The following PPP2R2B variants were observed in gnomAD, a reference collection of about 807,000 sequenced individuals.
The protein encoded by PPP2R2B is serine/threonine-protein phosphatase 2A 55 kDa regulatory subunit B beta isoform.
Under a neutral mutation model 46.0 loss-of-function variants are expected in PPP2R2B, and 5 were observed. The ratio of observed to expected loss-of-function variants is 0.11; its 90% confidence interval spans 0.06 to 0.23. The LOEUF is 0.23. PPP2R2B is among the 10% of genes least tolerant of loss of function. The probability of loss-of-function intolerance (pLI) is 1.00; values close to 1 mark genes in which losing one functional copy is unlikely to be tolerated. For missense variants in PPP2R2B, 367 were observed against 575.0 expected (o/e 0.64, Z 3.70); for synonymous variants, 215 against 206.7 (o/e 1.04, Z -0.34).
rs926695498 is a variant in PPP2R2B, at chr5:147,012,210, G to T, written c.79+43455C>A. Among the ~76,000 whole-genome samples the T allele has an allele frequency of 1.2e-4, 19 of 152,038 alleles. 1 individual carries two copies. The highest frequency in any genetic ancestry group is 4.3e-4 in the African/African-American group (18 of 41,466). ...TCAGCTGTGAATTCATCTGGTCCTG[G>T]ACTCTTTTTGGTTGGTAAGCTATTG... On this transcript the variant is annotated intron_variant, in intron 1 of 8. Transcript: ENST00000336640.
At chr5:146,786,804 T>C (rs904476610) in intron 2 of PPP2R2B, among the ~76,000 whole-genome samples, 9 of 152,182 alleles carry the variant, frequency 5.9e-5, no homozygotes, top group African/African-American at 2.2e-4. Context: ...GATCAATCTT[T>C]AGAGAAAGAT....
Position 147,009,550 on chromosome 5 carries a change from G to T in PPP2R2B, c.79+46115C>A, listed in dbSNP as rs368665194. Among the ~76,000 whole-genome samples the T allele has an allele frequency of 9.2e-5, 14 of 152,216 alleles. No homozygotes were observed. In the South Asian group the frequency reaches 2.9e-3, roughly 32 times the overall value. On this transcript the variant is annotated intron_variant, in intron 1 of 8. Coordinates refer to the PPP2R2B transcript ENST00000336640. ...AGACGAAGGATGAGGTGGAAGGAAA[G>T]ATTAAGTTTGCTGGCAGAGGTATCT...
intron 2 of PPP2R2B, among the ~76,000 whole-genome samples, chr5:146,779,020 A>G (rs1210207767): frequency 6.6e-6 from 1 of 152,242 alleles, no homozygotes; most frequent in African/African-American, 2.4e-5. Context: ...TGGTTGACAC[A>G]GCAAGCAGTT....
intron 2 of PPP2R2B, among the ~76,000 whole-genome samples, chr5:146,745,147 G>T (rs1041803756): frequency 1.4e-5 from 2 of 139,030 alleles, no homozygotes; most frequent in East Asian, 2.5e-4. Flanking sequence ...ACTCTAAAAC[G>T]TGCAGAGAAA....
At chr5:146,830,703 C>T (rs1167225441) in intron 2 of PPP2R2B, among the ~76,000 whole-genome samples, 1 of 152,092 alleles carries the variant, frequency 6.6e-6, no homozygotes, top group Non-Finnish European at 1.5e-5. Flanking sequence ...AGCTCCTGAC[C>T]TCAAGTGATC....
chr5:146,669,242 T>C (rs1172279554), intron 5 of PPP2R2B, among the ~76,000 whole-genome samples: 1 of 152,166 alleles, frequency 6.6e-6, no homozygotes, highest in Non-Finnish European at 1.5e-5. Context: ...AATTCAACTA[T>C]ATATGCTTAG....
At position 146,787,025 on chromosome 5, in the gene PPP2R2B, G is replaced by A. The variant is rs548342742; in HGVS notation, c.71-85883C>T. 1.8e-4 allele frequency among the ~76,000 whole-genome samples: 27 copies of A among 152,334 alleles called. 1 individual carries two copies. The highest frequency in any genetic ancestry group is 1.2e-3 in the South Asian group (6 of 4,828). ...TACAGATAAAAAACTGAAGCATAGA[G>A]AGGTTAAGGATTTTCCTATGGCCAT... On this transcript the variant is annotated intron_variant, in intron 2 of 9. Transcript: ENST00000394411.
chr5:146,912,238 CA>C (rs35127306), intron 1 of PPP2R2B, among the ~76,000 whole-genome samples: 2,430 of 56,526 alleles, frequency 0.043, 17 homozygotes, highest in Middle Eastern at 0.11. Flanking sequence ...GGCTCCGTCT[CA>C]AAAAAAAAAA....
rs150387455 is a variant in PPP2R2B at position 146,607,437 on chromosome 5, T to A, written c.791-6977A>T. On this transcript the variant is annotated intron_variant, in intron 7 of 9. Coordinates refer to ENST00000394411, the MANE Select transcript of PPP2R2B (RefSeq NM_181675.4). Reference sequence around the variant, plus strand: ...AAACCAAGTTGCTTAACCCTTGCAGTTTGCTTTTCATATAGCCCTCCATTA... The same window carrying A: ...AAACCAAGTTGCTTAACCCTTGCAGATTGCTTTTCATATAGCCCTCCATTA... Among the ~76,000 whole-genome samples the A allele has an allele frequency of 3.9e-5, 6 of 152,334 alleles. No homozygotes were observed. The East Asian group carries it at 1.2e-3, about 29-fold the overall frequency.
chr5:146,791,612 AG>A (rs1756208032), intron 2 of PPP2R2B, among the ~76,000 whole-genome samples: 1 of 152,102 alleles, frequency 6.6e-6, no homozygotes, highest in South Asian at 2.1e-4. Context: ...CACTCCTCAA[AG>A]CTCTCCAAAC....
chr5:146,850,906 A>G (rs538403867), intron 2 of PPP2R2B, among the ~76,000 whole-genome samples: 2 of 152,222 alleles, frequency 1.3e-5, no homozygotes, highest in South Asian at 2.1e-4. Context: ...ATCTATCCAT[A>G]CTGCTGTAAA....
At chr5:146,938,456 A>G (rs1452310914) in intron 1 of PPP2R2B, among the ~76,000 whole-genome samples, 1 of 152,148 alleles carries the variant, frequency 6.6e-6, no homozygotes, top group African/African-American at 2.4e-5. Context: ...TGACCTAGCA[A>G]TTATATCTCT....
intron 2 of PPP2R2B, among the ~76,000 whole-genome samples, chr5:146,842,791 TCTG>T (rs1268916668): frequency 2.6e-5 from 4 of 152,218 alleles, no homozygotes; most frequent in Non-Finnish European, 1.5e-5. Context: ...GGCCTCCTTA[TCTG>T]CTAATAACAA....
rs537278019 is a variant in PPP2R2B at position 146,676,987 on chromosome 5, G to T, written c.447+14141C>A. 2.0e-5 allele frequency among the ~76,000 whole-genome samples: 3 copies of T among 152,258 alleles called. No homozygotes were observed. The South Asian group carries it at 6.2e-4, about 32-fold the overall frequency. On this transcript the variant is annotated intron_variant, in intron 5 of 9. Coordinates refer to ENST00000394411, the MANE Select transcript of PPP2R2B (RefSeq NM_181675.4). ...TGGGAAGGAATAATGATAACCAAGTGTGGCTTTGTTTTGTCACTTCTATCT... is the reference window on the plus strand; with the variant it reads ...TGGGAAGGAATAATGATAACCAAGTTTGGCTTTGTTTTGTCACTTCTATCT...
At chr5:146,700,102 C>T (rs1411625487) in intron 3 of PPP2R2B, among the ~76,000 whole-genome samples, 1 of 152,184 alleles carries the variant, frequency 6.6e-6, no homozygotes, top group Non-Finnish European at 1.5e-5. Flanking sequence ...ATGAGGCTTT[C>T]CTTTTTTGAG....
At chr5:146,951,974 C>CT (rs34746460) in intron 1 of PPP2R2B, among the ~76,000 whole-genome samples, 10,696 of 127,502 alleles carry the variant, frequency 0.084, 539 homozygotes, top group African/African-American at 0.15. Context: ...TACATAGAAT[C>CT]TTTTTTTTTT....
At chr5:146,668,987 C>A (rs767037455) in intron 5 of PPP2R2B, among the ~76,000 whole-genome samples, 29 of 152,018 alleles carry the variant, frequency 1.9e-4, no homozygotes, top group Admixed American at 6.6e-5. Context: ...AGCAGAGGAC[C>A]TTTTTAAAAA....
At chr5:146,886,182 C>CA (rs994601643) in intron 1 of PPP2R2B, among the ~76,000 whole-genome samples, 7 of 151,678 alleles carry the variant, frequency 4.6e-5, no homozygotes, top group African/African-American at 1.4e-4. Flanking sequence ...ACTAAAAATA[C>CA]AAAAAAATTA....
At chr5:146,715,274 C>G (rs1484115778) in intron 2 of PPP2R2B, among the ~76,000 whole-genome samples, 1 of 152,172 alleles carries the variant, frequency 6.6e-6, no homozygotes, top group African/African-American at 2.4e-5. Flanking sequence ...GCTGCACATT[C>G]CTTTCCTGCA....
Sources: allele counts gnomAD v4.1 joint callset (sites outside exome capture counted in the v4.1 genomes callset), GRCh38; gene constraint gnomAD v4.1.1; transcripts MANE v1.5; gene names NCBI Gene and HGNC (gene_info 2026-07-23, HGNC 2026-07-21).